NID1: variants seen among roughly 807,000 people sequenced by gnomAD.
NID1 encodes nidogen 1, also known as nidogen-1.
In NID1, 76 loss-of-function variants were observed where a neutral mutation model predicts 130.6. The ratio of observed to expected loss-of-function variants is 0.58; its 90% CI spans 0.48 to 0.70. The LOEUF (loss-of-function observed/expected upper bound fraction) is 0.70. Ranked by LOEUF, NID1 falls within the 30% of genes least tolerant of loss-of-function variation. The pLI is 0.00. For synonymous variants in NID1, 665 were observed against 675.1 expected (o/e 0.98, Z 0.23); for missense variants, 1,517 against 1,664.8 (o/e 0.91, Z 1.54).
At position 236,047,538 on chromosome 1, in the gene NID1, C is replaced by T. The variant is rs1659637439; in HGVS notation, c.525+1152G>A. On this transcript the variant is annotated intron_variant, in intron 2 of 19. Transcript: ENST00000264187. ...TGCTCTACAGCCTGGTCCTTCCAGC[C>T]GTCCCTGATGACTGCGCCCACGGAG... Among the ~76,000 whole-genome samples, 3 of 151,952 alleles carry T rather than the reference C, an allele frequency of 2.0e-5. No individual in the cohort carries two copies. The South Asian group carries it at 6.3e-4, about 32-fold the overall frequency.
intron 14 of NID1, 59 bp downstream of exon 14, chr1:235,990,827 T>G: frequency 1.3e-6 from 2 of 1,594,668 alleles, no homozygotes; most frequent in African/African-American, 1.3e-5. Flanking sequence ...ATCGTCCTGC[T>G]TGTTTTTCCA....
intron 12 of NID1, among the ~76,000 whole-genome samples, chr1:236,011,117 G>A (rs1658396741): frequency 6.6e-6 from 1 of 152,102 alleles, no homozygotes; most frequent in South Asian, 2.1e-4. Flanking sequence ...TCACAGGCTA[G>A]TGAAGGGGAT....
intron 6 of NID1, 74 bp from the exon 7 acceptor site, chr1:236,029,824 T>A (rs1194702035): frequency 1.2e-5 from 17 of 1,453,894 alleles, no homozygotes; most frequent in South Asian, 5.8e-5. Flanking sequence ...GCTCACAGTG[T>A]GGAGTGGGGT....
At chr1:235,991,831 T>C (rs1657749926) in intron 13 of NID1, among the ~76,000 whole-genome samples, 1 of 152,092 alleles carries the variant, frequency 6.6e-6, no homozygotes, top group Admixed American at 6.5e-5. Context: ...GAGGAGCCTG[T>C]CAGAATGAGT....
At chr1:236,034,843 AT>A (rs1287250331) in intron 5 of NID1, among the ~76,000 whole-genome samples, 1 of 152,048 alleles carries the variant, frequency 6.6e-6, no homozygotes, top group Non-Finnish European at 1.5e-5. Context: ...GTTACATTGC[AT>A]TGTTTATATT....
At chr1:236,004,164 TAG>T (rs527602370) in intron 12 of NID1, among the ~76,000 whole-genome samples, 254 of 152,062 alleles carry the variant, frequency 1.7e-3, no homozygotes, top group African/African-American at 6.0e-3. Context: ...CTGCAGTGGT[TAG>T]AGAGAGAATG....
At chr1:236,042,410 G>T in intron 3 of NID1, 118 bp from the exon 4 acceptor site, 2 of 1,279,738 alleles carry the variant, frequency 1.6e-6, no homozygotes, top group Non-Finnish European at 2.2e-6. Flanking sequence ...CCTGCAGCTA[G>T]GACTGGAGAG....
chr1:236,053,562 G>A (rs1269708022), intron 1 of NID1, among the ~76,000 whole-genome samples: 1 of 152,096 alleles, frequency 6.6e-6, no homozygotes, highest in Non-Finnish European at 1.5e-5. Context: ...TCCAGTGGAA[G>A]CTCCTTCCAC....
intron 5 of NID1, among the ~76,000 whole-genome samples, chr1:236,034,101 C>T (rs1245850848): frequency 6.6e-6 from 1 of 152,082 alleles, no homozygotes; most frequent in Non-Finnish European, 1.5e-5. Context: ...ACGGTACCTC[C>T]ATTCATTAAG....
At chr1:236,031,591 G>T (rs1053209560) in intron 6 of NID1, among the ~76,000 whole-genome samples, 2 of 152,224 alleles carry the variant, frequency 1.3e-5, no homozygotes, top group African/African-American at 2.4e-5. Context: ...CTCAGGCAGT[G>T]GGGGAGAAGG....
At chr1:235,983,768 G>A (rs1017785333) in intron 15 of NID1, among the ~76,000 whole-genome samples, 1 of 152,088 alleles carries the variant, frequency 6.6e-6, no homozygotes, top group East Asian at 1.9e-4. Context: ...TGTGCAGTCC[G>A]AGGAAGAAGT....
intron 7 of NID1, among the ~76,000 whole-genome samples, chr1:236,029,123 GC>G (rs1304940153): frequency 1.3e-5 from 2 of 151,844 alleles, no homozygotes; most frequent in African/African-American, 4.8e-5. Flanking sequence ...GTTGTAGTGA[GC>G]TGAGATCGCA....
intron 14 of NID1, among the ~76,000 whole-genome samples, chr1:235,989,924 G>C (rs990564931): frequency 6.6e-6 from 1 of 152,222 alleles, no homozygotes; most frequent in Non-Finnish European, 1.5e-5. Flanking sequence ...TAGGGAACAG[G>C]GTGGGAGAGG....
chr1:236,039,187 A>G (rs1451522265), intron 4 of NID1, among the ~76,000 whole-genome samples: 2 of 146,204 alleles, frequency 1.4e-5, no homozygotes, highest in African/African-American at 2.5e-5. Flanking sequence ...TATATGTTAT[A>G]TAATAATATA....
intron 9 of NID1, 39 bp from the exon 10 acceptor site, chr1:236,017,312 A>T: frequency 1.2e-6 from 2 of 1,605,234 alleles, no homozygotes; most frequent in Non-Finnish European, 8.5e-7. Flanking sequence ...GCTTTTTTTT[A>T]AAGCTCTTCA....
chr1:236,045,620 G>A lies in NID1; in HGVS notation c.589C>T (p.Pro197Ser), dbSNP rs1408334932. 6.2e-7 allele frequency: 1 copy of A among 1,614,056 alleles called. No homozygotes were observed. The highest frequency in any genetic ancestry group is 8.5e-7 in the Non-Finnish European group (1 of 1,180,046). Reference protein sequence around the residue: ...DSSSYAIFLYPEDGLQFHTTF... With the variant: ...DSSSYAIFLYSEDGLQFHTTF... Reference sequence around the variant, plus strand: ...GTATGGAACTGCAGACCATCCTCAGGATAAAGGAAAATGGCATAGGAGCTG... The same window carrying A: ...GTATGGAACTGCAGACCATCCTCAGAATAAAGGAAAATGGCATAGGAGCTG... Residue 197 changes from proline (P) to serine (S), a missense_variant, in exon 3 of 20, where the codon CCT becomes TCT. Pro to Ser is a moderately conservative substitution (Grantham distance 74). Around this residue, in one of 3 missense-constraint regions of NID1, gnomAD observed 1,329 missense variants for 1,429.2 expected, o/e 0.93. Transcript: ENST00000264187.
chr1:236,004,993 G>T (rs571054510), intron 12 of NID1, among the ~76,000 whole-genome samples: 1 of 151,836 alleles, frequency 6.6e-6, no homozygotes. Flanking sequence ...TGGCCAACAC[G>T]GTGAAACCCC....
chr1:236,059,025 A>G (rs1055152134), intron 1 of NID1, among the ~76,000 whole-genome samples: 7 of 152,234 alleles, frequency 4.6e-5, no homozygotes, highest in African/African-American at 7.2e-5. Context: ...TTCATGTGAC[A>G]GGCATTTAGT....
chr1:236,059,391 G>A (rs1358704485), intron 1 of NID1, among the ~76,000 whole-genome samples: 1 of 152,218 alleles, frequency 6.6e-6, no homozygotes, highest in Middle Eastern at 3.2e-3. Context: ...TTTCAGCCTA[G>A]AGCCCACAAG....
Sources: gnomAD v4.1 joint callset for allele counts (sites outside exome capture counted in the v4.1 genomes callset) on GRCh38, gnomAD v4.1.1 for gene constraint, gnomAD v4.1.1 regional missense constraint, MANE v1.5 for transcripts, NCBI Gene and HGNC (gene_info 2026-07-23, HGNC 2026-07-21) for gene names.